BORCS5: variants seen among roughly 807,000 people sequenced by gnomAD.
BORCS5 encodes the protein BLOC-1 related complex subunit 5, also known as BLOC-1-related complex subunit 5.
Under a neutral mutation model 22.1 loss-of-function variants are expected in BORCS5, and 17 were observed. The ratio of observed to expected loss-of-function variants is 0.77; its 90% CI spans 0.53 to 1.15. The LOEUF is 1.15. Ranked by LOEUF, BORCS5 falls within the 50% of genes most tolerant of loss-of-function variation. BORCS5 has a pLI of 0.00. For missense variants in BORCS5, 247 were observed against 253.2 expected, an observed-to-expected ratio of 0.98 and a Z score of 0.17; for synonymous variants, 117 against 99.8, an observed-to-expected ratio of 1.17 and a Z score of -1.03.
At chr12:12,404,981 A>G (rs562909989) in intron 2 of BORCS5, among the ~76,000 whole-genome samples, 2 of 152,312 alleles carry the variant, frequency 1.3e-5, no homozygotes, top group South Asian at 4.1e-4. Context: ...CATTACAGGC[A>G]TGAGCCACCG....
intron 2 of BORCS5, among the ~76,000 whole-genome samples, chr12:12,383,733 T>A (rs1167620923): frequency 1.3e-5 from 2 of 151,280 alleles, no homozygotes; most frequent in African/African-American, 4.9e-5. Flanking sequence ...TGCTTTTCTC[T>A]TGCTCATTTC....
At chr12:12,456,203 CG>C (rs1942996023) in intron 3 of BORCS5, among the ~76,000 whole-genome samples, 1 of 152,102 alleles carries the variant, frequency 6.6e-6, no homozygotes, top group African/African-American at 2.4e-5. Context: ...GGAGGCTGAG[CG>C]GGTGGATGGC....
Position 12,436,576 on chromosome 12 carries a change from A to T in BORCS5, c.360+791A>T, listed in dbSNP as rs752669799. 3.4e-4 allele frequency among the ~76,000 whole-genome samples: 52 copies of T among 152,234 alleles called. 1 individual carries two copies. The highest frequency in any genetic ancestry group is 7.1e-4 in the Non-Finnish European group (48 of 68,044). On this transcript the variant is annotated intron_variant, in intron 3 of 3. Coordinates refer to ENST00000314565, the MANE Select transcript of BORCS5 (RefSeq NM_058169.6). Reference sequence around the variant, plus strand: ...AAATGTTAGGAGCTGTTTACTGGAGAAACCACTTCTGTGAATGGCACTCCC... The same window carrying T: ...AAATGTTAGGAGCTGTTTACTGGAGTAACCACTTCTGTGAATGGCACTCCC...
Position 12,439,057 on chromosome 12 carries a change from C to T in BORCS5, c.360+3272C>T, listed in dbSNP as rs559664585. Among the ~76,000 whole-genome samples the T allele has an allele frequency of 2.0e-5, 3 of 152,250 alleles. No individual in the cohort carries two copies. The East Asian group carries it at 5.8e-4, about 29-fold the overall frequency. On this transcript the variant is annotated intron_variant, in intron 3 of 3. Coordinates refer to ENST00000314565, the MANE Select transcript of BORCS5 (RefSeq NM_058169.6). ...CTTATTTTGAATTTTACCAGTAATT[C>T]CACGAATGAATGACTGAGTCGTTTT...
At chr12:12,424,419 A>C (rs889296170) in intron 2 of BORCS5, among the ~76,000 whole-genome samples, 2 of 151,838 alleles carry the variant, frequency 1.3e-5, no homozygotes, top group African/African-American at 4.8e-5. Flanking sequence ...GATATTTTCC[A>C]TTTGTTTATA....
intron 2 of BORCS5, among the ~76,000 whole-genome samples, chr12:12,393,153 T>C (rs1381503504): frequency 6.6e-6 from 1 of 151,966 alleles, no homozygotes; most frequent in East Asian, 1.9e-4. Flanking sequence ...GGAGGATCCT[T>C]GAGCTCAGGA....
intron 2 of BORCS5, among the ~76,000 whole-genome samples, chr12:12,428,574 AAG>A (rs1942346400): frequency 3.8e-5 from 1 of 26,240 alleles, no homozygotes; most frequent in Admixed American, 3.1e-4. Flanking sequence ...TAAACTAAAG[AAG>A]AAGTAGAAAA....
chr12:12,407,471 T>C (rs1941618766), intron 2 of BORCS5, among the ~76,000 whole-genome samples: 1 of 152,110 alleles, frequency 6.6e-6, no homozygotes, highest in African/African-American at 2.4e-5. Flanking sequence ...ATACCTGACT[T>C]TGTAATTGTA....
chr12:12,389,768 C>T (rs987327192), intron 2 of BORCS5, among the ~76,000 whole-genome samples: 1 of 152,056 alleles, frequency 6.6e-6, no homozygotes, highest in South Asian at 2.1e-4. Context: ...CACAGTCACC[C>T]GAGTAGCAGG....
chr12:12,413,712 A>AC (rs1390375400), intron 2 of BORCS5, among the ~76,000 whole-genome samples: 30 of 90,550 alleles, frequency 3.3e-4, no homozygotes, highest in South Asian at 2.3e-3. Flanking sequence ...CGGGGGGCTG[A>AC]CCCCCCCACC....
At chr12:12,378,372 C>T (rs1009572380) in intron 2 of BORCS5, among the ~76,000 whole-genome samples, 1 of 151,690 alleles carries the variant, frequency 6.6e-6, no homozygotes, top group East Asian at 1.9e-4. Context: ...ACTCCGTCTC[C>T]AAAAAAATAC....
chr12:12,434,085 C>G lies in BORCS5; in HGVS notation c.203-1543C>G, dbSNP rs145886844. 2.9e-3 allele frequency among the ~76,000 whole-genome samples: 445 copies of G among 151,886 alleles called. 2 individuals are homozygous for G. The highest frequency in any genetic ancestry group is 0.01 in the African/African-American group (422 of 41,390). On this transcript the variant is annotated intron_variant, in intron 2 of 3. Coordinates refer to ENST00000314565, the MANE Select transcript of BORCS5 (RefSeq NM_058169.6). Reference sequence around the variant, plus strand: ...GGAGGATCGCTTGAGCCCAGAAGTTCGAGACCAACCTGGGCAGCAAAACCC... The same window carrying G: ...GGAGGATCGCTTGAGCCCAGAAGTTGGAGACCAACCTGGGCAGCAAAACCC...
chr12:12,357,636 G>GAA, intron 1 of BORCS5, 127 bp downstream of exon 1: 49 of 792,464 alleles, frequency 6.2e-5, no homozygotes, highest in South Asian at 1.8e-4. Context: ...GTGCTAGTAG[G>GAA]AAAAAAAAAA....
rs559545225 is a variant in BORCS5 at position 12,401,229 on chromosome 12, C to G, written c.203-34399C>G. On this transcript the variant is annotated intron_variant, in intron 2 of 3. Coordinates refer to ENST00000314565, the MANE Select transcript of BORCS5 (RefSeq NM_058169.6). ...TATTTTCAGCTTTACTAGATACAGTCAATTTACTCTTCAAAGTAGTTATGC... is the reference window on the plus strand; with the variant it reads ...TATTTTCAGCTTTACTAGATACAGTGAATTTACTCTTCAAAGTAGTTATGC... Among the ~76,000 whole-genome samples the G allele has an allele frequency of 1.4e-4, 21 of 152,238 alleles. No individual in the cohort carries two copies. In the South Asian group the frequency reaches 4.3e-3, roughly 32 times the overall value.
At chr12:12,399,829 G>T (rs1284750389) in intron 2 of BORCS5, among the ~76,000 whole-genome samples, 1 of 152,156 alleles carries the variant, frequency 6.6e-6, no homozygotes, top group Non-Finnish European at 1.5e-5. Context: ...TGACTTCTAA[G>T]TCTCAGCAGC....
chr12:12,416,417 T>G (rs1565889112), intron 2 of BORCS5, among the ~76,000 whole-genome samples: 1 of 152,004 alleles, frequency 6.6e-6, no homozygotes, highest in Non-Finnish European at 1.5e-5. Context: ...GTTAGATTGC[T>G]GGTGTGAGAT....
At chr12:12,379,084 A>G (rs995426180) in intron 2 of BORCS5, among the ~76,000 whole-genome samples, 5 of 144,042 alleles carry the variant, frequency 3.5e-5, no homozygotes, top group South Asian at 2.2e-4. Context: ...CAACTTTTCT[A>G]TTTCTTTCTT....
chr12:12,441,388 G>A (rs1942680238), intron 3 of BORCS5, among the ~76,000 whole-genome samples: 1 of 152,182 alleles, frequency 6.6e-6, no homozygotes. Context: ...TGTGACCTCA[G>A]GCAAGTCCCT....
intron 3 of BORCS5, among the ~76,000 whole-genome samples, chr12:12,459,878 T>G (rs923630792): frequency 6.6e-6 from 1 of 152,252 alleles, no homozygotes; most frequent in African/African-American, 2.4e-5. Flanking sequence ...ATTTTTACAC[T>G]GTCTTTTGTT....
Sources: allele counts gnomAD v4.1 joint callset (sites outside exome capture counted in the v4.1 genomes callset), GRCh38; gene constraint gnomAD v4.1.1; transcripts MANE v1.5; gene names NCBI Gene and HGNC (gene_info 2026-07-23, HGNC 2026-07-21).